The following MAGI2 variants were observed in gnomAD, a reference collection of about 807,000 sequenced individuals.
MAGI2 encodes the protein membrane-associated guanylate kinase, WW and PDZ domain-containing protein 2.
In MAGI2, 35 loss-of-function variants were observed where a neutral mutation model predicts 133.3. The observed-to-expected ratio is 0.26, with a 90% CI of 0.20 to 0.35. MAGI2 has a LOEUF of 0.35. MAGI2 is among the 10% of genes least tolerant of loss of function. The pLI is 1.00. For missense variants in MAGI2, 1,636 were observed against 1,863.4 expected (o/e 0.88, Z 2.25); for synonymous variants, 729 against 710.6 (o/e 1.03, Z -0.41).
At chr7:78,522,085 T>C (rs1796555493) in intron 3 of MAGI2, among the ~76,000 whole-genome samples, 1 of 152,180 alleles carries the variant, frequency 6.6e-6, no homozygotes, top group African/African-American at 2.4e-5. Context: ...TGCTATTCTG[T>C]AGCTTTCAAA....
At chr7:78,902,012 T>C (rs1330178838) in intron 2 of MAGI2, among the ~76,000 whole-genome samples, 2 of 152,210 alleles carry the variant, frequency 1.3e-5, no homozygotes, top group Non-Finnish European at 2.9e-5. Context: ...CATATATGTA[T>C]ACGTATTTTG....
chr7:78,434,889 C>T (rs1221121583), intron 6 of MAGI2, among the ~76,000 whole-genome samples: 2 of 152,130 alleles, frequency 1.3e-5, no homozygotes, highest in Non-Finnish European at 2.9e-5. Context: ...CCACTCCATC[C>T]TATGAGGGAG....
intron 1 of MAGI2, among the ~76,000 whole-genome samples, chr7:79,440,743 T>C (rs1418055446): frequency 1.3e-5 from 2 of 152,170 alleles, no homozygotes; most frequent in Admixed American, 6.6e-5. Context: ...AAAATGTAAA[T>C]GGCTTAAATA....
chr7:78,239,762 G>A (rs1177624133), intron 10 of MAGI2, among the ~76,000 whole-genome samples: 2 of 152,234 alleles, frequency 1.3e-5, no homozygotes, highest in African/African-American at 4.8e-5. Context: ...GATAACAGGT[G>A]TTGGAGAGGA....
intron 1 of MAGI2, among the ~76,000 whole-genome samples, chr7:79,269,624 G>C (rs1208660422): frequency 6.6e-6 from 1 of 152,138 alleles, no homozygotes; most frequent in African/African-American, 2.4e-5. Context: ...TATGTATATT[G>C]ATTGTAATGT....
intron 1 of MAGI2, among the ~76,000 whole-genome samples, chr7:79,277,731 CT>C: frequency 6.6e-6 from 1 of 152,248 alleles, no homozygotes; most frequent in East Asian, 1.9e-4. Flanking sequence ...CTTGACTTCC[CT>C]TTTCTTAGAG....
chr7:78,220,880 G>A (rs1366768049), intron 10 of MAGI2, among the ~76,000 whole-genome samples: 1 of 152,176 alleles, frequency 6.6e-6, no homozygotes, highest in Non-Finnish European at 1.5e-5. Context: ...AGCTTTGACT[G>A]TGTGCCAGGC....
At chr7:78,430,701 C>A (rs1374792735) in intron 6 of MAGI2, among the ~76,000 whole-genome samples, 2 of 152,006 alleles carry the variant, frequency 1.3e-5, no homozygotes, top group Non-Finnish European at 2.9e-5. Flanking sequence ...AAGGGACATG[C>A]CCCAAAAGTG....
intron 6 of MAGI2, among the ~76,000 whole-genome samples, chr7:78,461,502 C>A (rs1291054634): frequency 6.6e-6 from 1 of 151,174 alleles, no homozygotes; most frequent in Non-Finnish European, 1.5e-5. Flanking sequence ...TAGCTTTAAT[C>A]TTTAACCAGT....
At chr7:79,163,781 T>C (rs1585088150) in intron 1 of MAGI2, among the ~76,000 whole-genome samples, 1 of 152,164 alleles carries the variant, frequency 6.6e-6, no homozygotes, top group African/African-American at 2.4e-5. Flanking sequence ...ATGCCTAATC[T>C]TGACTATCTT....
chr7:79,246,590 A>G (rs1832837354), intron 1 of MAGI2, among the ~76,000 whole-genome samples: 1 of 152,204 alleles, frequency 6.6e-6, no homozygotes, highest in Non-Finnish European at 1.5e-5. Flanking sequence ...AGGCTATTTG[A>G]AAACACACAG....
chr7:78,741,374 GA>G (rs1822403191), intron 2 of MAGI2, among the ~76,000 whole-genome samples: 1 of 84,162 alleles, frequency 1.2e-5, no homozygotes, highest in Non-Finnish European at 2.3e-5. Context: ...GAAAAAAGTT[GA>G]AACACACACA....
At chr7:78,154,896 AG>A (rs1366669561) in intron 16 of MAGI2, among the ~76,000 whole-genome samples, 1 of 151,348 alleles carries the variant, frequency 6.6e-6, no homozygotes, top group Non-Finnish European at 1.5e-5. Flanking sequence ...CACTGCACGT[AG>A]CCCCTGGGAC....
At chr7:78,529,523 T>C (rs10447824) in intron 3 of MAGI2, among the ~76,000 whole-genome samples, 108,701 of 151,962 alleles carry the variant, frequency 0.72, 39,893 homozygotes, top group African/African-American at 0.89. Flanking sequence ...TTTAAATTCA[T>C]GAGTATATCC....
At chr7:78,270,713 CAACATTAGACAGA>C (rs1458245021) in intron 9 of MAGI2, among the ~76,000 whole-genome samples, 1 of 152,020 alleles carries the variant, frequency 6.6e-6, no homozygotes, top group African/African-American at 2.4e-5. Context: ...ACCCCACTGT[CAACATTAGACAGA>C]CCAACGAGAC....
At chr7:78,914,875 C>T (rs1459565009) in intron 2 of MAGI2, among the ~76,000 whole-genome samples, 1 of 152,038 alleles carries the variant, frequency 6.6e-6, no homozygotes, top group Admixed American at 6.6e-5. Context: ...AGAGACGGCT[C>T]AGTTTCCTAC....
intron 10 of MAGI2, among the ~76,000 whole-genome samples, chr7:78,208,692 ATTTT>A (rs34097630): frequency 3.2e-4 from 48 of 147,842 alleles, no homozygotes; most frequent in African/African-American, 8.7e-4. Context: ...AATGTATAGC[ATTTT>A]TTTTTTTTTT....
At chr7:78,888,046 C>G (rs1239156161) in intron 2 of MAGI2, among the ~76,000 whole-genome samples, 1 of 152,206 alleles carries the variant, frequency 6.6e-6, no homozygotes, top group Non-Finnish European at 1.5e-5. Context: ...CTGCACTTTT[C>G]CAACGGTCTT....
At chr7:78,929,017 G>A (rs186107166) in intron 2 of MAGI2, among the ~76,000 whole-genome samples, 82 of 152,034 alleles carry the variant, frequency 5.4e-4, no homozygotes, top group African/African-American at 1.8e-3. Flanking sequence ...AATGCTATAA[G>A]CTCTCTCAGA....
Sources: gnomAD v4.1 joint callset for allele counts (sites outside exome capture counted in the v4.1 genomes callset) on GRCh38, gnomAD v4.1.1 for gene constraint, MANE v1.5 for transcripts, NCBI Gene and HGNC (gene_info 2026-07-23, HGNC 2026-07-21) for gene names.